Variants in SLIT3 observed in about 807,000 individuals in gnomAD.
SLIT3 encodes slit homolog 3 protein.
Under a neutral mutation model 184.0 loss-of-function variants are expected in SLIT3, and 68 were observed. That is an observed-to-expected ratio of 0.37 (90% confidence interval 0.30 to 0.45). The LOEUF (loss-of-function observed/expected upper bound fraction) is 0.45, where lower values mean the gene tolerates loss of function less well. Ranked by LOEUF, SLIT3 falls within the 20% of genes least tolerant of loss-of-function variation. The pLI is 1.00. For missense variants in SLIT3, 1,707 were observed against 2,026.0 expected, an observed-to-expected ratio of 0.84 and a Z score of 3.02; for synonymous variants, 831 against 828.6, an observed-to-expected ratio of 1.00 and a Z score of -0.05.
At position 168,994,294 on chromosome 5, in the gene SLIT3, T is replaced by G. The variant is rs1289960603; in HGVS notation, c.414-110958A>C. ...GCTGGTGAAGAGCCTCTCTCAGGGCTTTCTGGGGTTTACTGAGAATCAAAG... is the reference window on the plus strand; with the variant it reads ...GCTGGTGAAGAGCCTCTCTCAGGGCGTTCTGGGGTTTACTGAGAATCAAAG... On this transcript the variant is annotated intron_variant, in intron 4 of 35. Coordinates refer to ENST00000519560, the MANE Select transcript of SLIT3 (RefSeq NM_003062.4). 5 of 152,328 alleles carry G rather than the reference T, an allele frequency of 3.3e-5. No homozygotes were observed. In the East Asian group the frequency reaches 9.6e-4, roughly 29 times the overall value. The allele number at this position is 152,328 out of a possible 1,614,324, so 9.4% of individuals were successfully genotyped here. A position where few individuals can be genotyped will look rare whatever the true frequency, so the allele number is the denominator to read the frequency against.
intron 4 of SLIT3, among the ~76,000 whole-genome samples, chr5:168,910,945 T>C (rs1581202899): frequency 6.6e-6 from 1 of 152,222 alleles, no homozygotes; most frequent in Non-Finnish European, 1.5e-5. Context: ...ACAGCCCTCA[T>C]GCCTTTTTGT....
chr5:168,672,828 T>C (rs1043038608), intron 33 of SLIT3, among the ~76,000 whole-genome samples: 2 of 152,158 alleles, frequency 1.3e-5, no homozygotes, highest in Non-Finnish European at 2.9e-5. Flanking sequence ...ATTCATTAAT[T>C]GAACCTCCGA....
At chr5:169,104,331 A>G (rs757931394) in intron 4 of SLIT3, among the ~76,000 whole-genome samples, 8 of 152,196 alleles carry the variant, frequency 5.3e-5, no homozygotes, top group Non-Finnish European at 1.0e-4. Context: ...GAAATAAATA[A>G]GCCCACGCAG....
At chr5:168,681,696 A>T (rs1015008191) in intron 32 of SLIT3, among the ~76,000 whole-genome samples, 12 of 152,134 alleles carry the variant, frequency 7.9e-5, no homozygotes, top group African/African-American at 2.7e-4. Context: ...CGACACTCCT[A>T]CCACCCACAC....
rs189586791 is a variant in SLIT3, at chr5:168,982,415, G to T, written c.414-99079C>A. 2.8e-3 allele frequency among the ~76,000 whole-genome samples: 424 copies of T among 152,242 alleles called. 5 individuals are homozygous for T. The highest frequency in any genetic ancestry group is 9.6e-3 in the African/African-American group (397 of 41,538). On this transcript the variant is annotated intron_variant, in intron 4 of 35. Transcript: ENST00000519560. ...TCAGAGAGTCTTGAACAACAAGAAG[G>T]TTCTCACCAGATGCACCCCCTTGAC...
chr5:168,697,150 C>T (rs1233590934), intron 27 of SLIT3, among the ~76,000 whole-genome samples: 1 of 152,216 alleles, frequency 6.6e-6, no homozygotes, highest in Non-Finnish European at 1.5e-5. Flanking sequence ...GCCATTTCTT[C>T]CCATCATGTA....
At chr5:169,213,061 A>C (rs1305282402) in intron 3 of SLIT3, among the ~76,000 whole-genome samples, 2 of 152,024 alleles carry the variant, frequency 1.3e-5, no homozygotes, top group Non-Finnish European at 2.9e-5. Context: ...ATATTTAGAA[A>C]ACTTCACCAT....
At chr5:169,072,296 T>G (rs1276722125) in intron 4 of SLIT3, among the ~76,000 whole-genome samples, 3 of 152,204 alleles carry the variant, frequency 2.0e-5, no homozygotes, top group African/African-American at 7.2e-5. Context: ...GAGATTTATC[T>G]TCAATGTACT....
intron 16 of SLIT3, among the ~76,000 whole-genome samples, chr5:168,755,253 G>A (rs1311559515): frequency 6.6e-6 from 1 of 152,108 alleles, no homozygotes; most frequent in African/African-American, 2.4e-5. Flanking sequence ...CATATCAAAT[G>A]TACTCCATTG....
chr5:169,286,295 G>A (rs931080045), intron 1 of SLIT3, among the ~76,000 whole-genome samples: 3 of 152,110 alleles, frequency 2.0e-5, no homozygotes, highest in Non-Finnish European at 4.4e-5. Flanking sequence ...AAGAAACACC[G>A]ACTGCTATTT....
intron 25 of SLIT3, among the ~76,000 whole-genome samples, chr5:168,708,801 T>C (rs1386953364): frequency 6.6e-6 from 1 of 152,192 alleles, no homozygotes; most frequent in Non-Finnish European, 1.5e-5. Flanking sequence ...ACAGGCCATA[T>C]TTAGTGTCAG....
At chr5:169,088,513 C>T (rs1021010148) in intron 4 of SLIT3, among the ~76,000 whole-genome samples, 11 of 151,622 alleles carry the variant, frequency 7.3e-5, no homozygotes, top group Middle Eastern at 3.4e-3. Flanking sequence ...TCCATAGCAA[C>T]GGCATTTCTG....
intron 9 of SLIT3, among the ~76,000 whole-genome samples, chr5:168,803,334 TCA>T (rs1426728861): frequency 6.6e-6 from 1 of 152,226 alleles, no homozygotes; most frequent in Non-Finnish European, 1.5e-5. Flanking sequence ...TAGAAAAATA[TCA>T]CATTGTTCTT....
At chr5:169,004,204 G>A (rs921324794) in intron 4 of SLIT3, among the ~76,000 whole-genome samples, 5 of 152,048 alleles carry the variant, frequency 3.3e-5, no homozygotes, top group Non-Finnish European at 7.4e-5. Flanking sequence ...CACGAAACCC[G>A]AAGGGCTGAT....
At chr5:168,682,444 C>T (rs537029750) in intron 32 of SLIT3, among the ~76,000 whole-genome samples, 1 of 152,348 alleles carries the variant, frequency 6.6e-6, no homozygotes, top group East Asian at 1.9e-4. Flanking sequence ...GTGTTGGGGC[C>T]AACCCCTAGG....
intron 4 of SLIT3, among the ~76,000 whole-genome samples, chr5:168,935,850 T>C (rs965546804): frequency 3.9e-5 from 6 of 152,248 alleles, no homozygotes; most frequent in Non-Finnish European, 8.8e-5. Context: ...TTGAGCAACA[T>C]CCTTTGTATT....
chr5:168,745,127 G>A (rs952126412), intron 20 of SLIT3, among the ~76,000 whole-genome samples: 3 of 152,188 alleles, frequency 2.0e-5, no homozygotes, highest in South Asian at 2.1e-4. Flanking sequence ...ATGACCTTGA[G>A]GGGTTCAAGA....
intron 4 of SLIT3, among the ~76,000 whole-genome samples, chr5:168,941,285 C>T (rs939123641): frequency 6.6e-6 from 1 of 152,136 alleles, no homozygotes; most frequent in Non-Finnish European, 1.5e-5. Context: ...ATCCATCTCT[C>T]GGCAGGAAGA....
chr5:168,992,455 A>G (rs1179779661), intron 4 of SLIT3, among the ~76,000 whole-genome samples: 1 of 152,218 alleles, frequency 6.6e-6, no homozygotes, highest in African/African-American at 2.4e-5. Flanking sequence ...GGATTTATAA[A>G]TAGGTTATTT....
Sources: allele counts gnomAD v4.1 joint callset (sites outside exome capture counted in the v4.1 genomes callset), GRCh38; gene constraint gnomAD v4.1.1; transcripts MANE v1.5; gene names NCBI Gene and HGNC (gene_info 2026-07-23, HGNC 2026-07-21).